The following FLRT1 variants were observed in gnomAD, a reference collection of about 807,000 sequenced individuals.
FLRT1 encodes fibronectin leucine rich transmembrane protein 1.
FLRT1 carries 14 observed loss-of-function variants against 30.9 expected under a neutral mutation model. The observed-to-expected ratio is 0.45, with a 90% CI of 0.30 to 0.71. The LOEUF is 0.71. Among genes scored for constraint, FLRT1 ranks in the 30% least tolerant of loss-of-function variants. FLRT1 has a pLI of 0.08. For synonymous variants in FLRT1, 368 were observed against 430.4 expected (o/e 0.85, Z 1.80); for missense variants, 737 against 949.2 (o/e 0.78, Z 2.94).
intron 1 of FLRT1, among the ~76,000 whole-genome samples, chr11:64,062,150 C>T (rs1490663247): frequency 6.6e-6 from 1 of 152,078 alleles, no homozygotes; most frequent in Non-Finnish European, 1.5e-5. Flanking sequence ...TGGATTTCCC[C>T]AGACAGGGAT....
chr11:64,072,465 G>A (rs1356631957), intron 1 of FLRT1, among the ~76,000 whole-genome samples: 3 of 152,090 alleles, frequency 2.0e-5, no homozygotes, highest in Admixed American at 2.0e-4. Flanking sequence ...GGATAAATAT[G>A]AAACGTACAT....
intron 1 of FLRT1, among the ~76,000 whole-genome samples, chr11:64,101,157 G>A (rs761237778): frequency 6.6e-6 from 1 of 152,058 alleles, no homozygotes; most frequent in Non-Finnish European, 1.5e-5. Context: ...GAGGGATGAC[G>A]TCTGCATGGA....
In FLRT1 at chr11:64,118,139, C is replaced by A; in HGVS notation, c.1872C>A (p.Ile624=). The change falls in exon 3 of 3, where the codon ATC becomes ATA. Residue 624 remains isoleucine, a synonymous_variant. Transcript: ENST00000682287. ...IRGPGLQMLP[I]NPYRAKEEYV... ...GCCCTGGGCTGCAGATGCTGCCCATCAACCCGTACCGCGCCAAAGAAGAGT... is the reference window on the plus strand; with the variant it reads ...GCCCTGGGCTGCAGATGCTGCCCATAAACCCGTACCGCGCCAAAGAAGAGT... 1 of 1,613,718 alleles carries A rather than the reference C, an allele frequency of 6.2e-7. No homozygotes were observed. The highest frequency in any genetic ancestry group is 8.5e-7 in the Non-Finnish European group (1 of 1,179,858).
intron 1 of FLRT1, among the ~76,000 whole-genome samples, chr11:64,087,484 C>A (rs1435695537): frequency 6.6e-6 from 1 of 152,230 alleles, no homozygotes. Flanking sequence ...GTCCAGTTGG[C>A]CACACCTCTC....
At chr11:64,066,801 G>A (rs1033087262) in intron 1 of FLRT1, among the ~76,000 whole-genome samples, 2 of 152,246 alleles carry the variant, frequency 1.3e-5, no homozygotes, top group Admixed American at 6.5e-5. Flanking sequence ...ACTATCCTAC[G>A]AGAACTCCAT....
intron 1 of FLRT1, among the ~76,000 whole-genome samples, chr11:64,088,581 A>G (rs1273070056): frequency 1.3e-5 from 2 of 150,834 alleles, no homozygotes; most frequent in South Asian, 2.1e-4. Flanking sequence ...CCTGGCCTGG[A>G]GCAGGTCTCT....
intron 1 of FLRT1, among the ~76,000 whole-genome samples, chr11:64,085,565 C>T (rs1043409253): frequency 1.1e-4 from 17 of 152,312 alleles, no homozygotes; most frequent in African/African-American, 2.9e-4. Context: ...CGTCCCCTGC[C>T]GCCCGCCCGG....
chr11:64,062,798 C>T (rs1284527190), intron 1 of FLRT1, among the ~76,000 whole-genome samples: 1 of 152,146 alleles, frequency 6.6e-6, no homozygotes, highest in East Asian at 1.9e-4. Context: ...CTGGCTTTAT[C>T]AGGTGCCTGC....
intron 1 of FLRT1, among the ~76,000 whole-genome samples, chr11:64,100,972 G>T (rs1944660675): frequency 6.6e-6 from 1 of 152,152 alleles, no homozygotes; most frequent in Non-Finnish European, 1.5e-5. Context: ...TGGAGAGTTT[G>T]GTGGGTGCAT....
At chr11:64,097,422 C>T (rs1944596691) in intron 1 of FLRT1, among the ~76,000 whole-genome samples, 1 of 152,232 alleles carries the variant, frequency 6.6e-6, no homozygotes, top group Non-Finnish European at 1.5e-5. Context: ...GAAGCTCCGT[C>T]CTGGGCGAGT....
chr11:64,108,695 C>T (rs116841289), intron 2 of FLRT1, among the ~76,000 whole-genome samples: 2 of 152,332 alleles, frequency 1.3e-5, no homozygotes, highest in African/African-American at 2.4e-5. Flanking sequence ...TGCTTCTGCC[C>T]GCAGTCTGCC....
chr11:64,118,658 G>A lies in FLRT1; in HGVS notation c.*366G>A, dbSNP rs577833595. The A allele has an allele frequency of 1.2e-3, 237 of 195,662 alleles. No individual in the cohort carries two copies. The highest frequency in any genetic ancestry group is 5.3e-3 in the African/African-American group (225 of 42,478). The allele number at this position is 195,662 out of a possible 1,614,324, so 12.1% of individuals were successfully genotyped here. A position where few individuals can be genotyped will look rare whatever the true frequency, so the allele number is the denominator to read the frequency against. On this transcript the variant is annotated 3_prime_UTR_variant, in exon 3 of 3. Coordinates refer to ENST00000682287, the MANE Select transcript of FLRT1 (RefSeq NM_013280.5). ...TGTACAACATCTGTGGACACCTCAT[G>A]CTCTGTTCAAGGCCATCACAAAGGA... is the stretch of plus-strand genomic sequence containing the variant.
chr11:64,093,537 G>T (rs1944526831), intron 1 of FLRT1, among the ~76,000 whole-genome samples: 1 of 152,224 alleles, frequency 6.6e-6, no homozygotes, highest in Non-Finnish European at 1.5e-5. Flanking sequence ...TCTCTGCCTG[G>T]TACAGATTTC....
chr11:64,040,428 C>G (rs1001689587), intron 1 of FLRT1, among the ~76,000 whole-genome samples: 1 of 152,182 alleles, frequency 6.6e-6, no homozygotes, highest in African/African-American at 2.4e-5. Flanking sequence ...GGCACCCGGC[C>G]AGGGCTGGGG....
intron 1 of FLRT1, among the ~76,000 whole-genome samples, chr11:64,044,405 A>C (rs1213159884): frequency 6.6e-6 from 1 of 151,902 alleles, no homozygotes; most frequent in Admixed American, 6.6e-5. Context: ...GCACGCACCA[A>C]CACACTGGCT....
chr11:64,065,789 CAAAAAAAAAA>C lies in FLRT1; in HGVS notation c.-1038+29642_-1038+29651del, dbSNP rs58096977. Among the ~76,000 whole-genome samples the C allele has an allele frequency of 1.9e-3, 131 of 67,568 alleles. 1 individual carries two copies. Among genetic ancestry groups the C allele is most frequent in the Non-Finnish European group, 3.9e-3 (114 of 29,156 alleles). 44.3% of individuals were successfully genotyped at this position (67,568 alleles called of 152,430 possible). ...TGGGCGACAGAGCACGACTCCGCCT[CAAAAAAAAAA>C]AAAAAAAAAAAGATGAACAAGGAGA... On this transcript the variant is annotated intron_variant, in intron 1 of 2. Coordinates refer to ENST00000682287, the MANE Select transcript of FLRT1 (RefSeq NM_013280.5).
chr11:64,054,526 C>T (rs1943749216), intron 1 of FLRT1, among the ~76,000 whole-genome samples: 1 of 152,094 alleles, frequency 6.6e-6, no homozygotes, highest in Non-Finnish European at 1.5e-5. Context: ...TCTCTCTGCT[C>T]AGAGGTGCCT....
intron 2 of FLRT1, among the ~76,000 whole-genome samples, chr11:64,107,048 T>C (rs1944775158): frequency 6.6e-6 from 1 of 152,044 alleles, no homozygotes; most frequent in African/African-American, 2.4e-5. Context: ...CATGCCCAGC[T>C]AATTTTTGTA....
intron 2 of FLRT1, among the ~76,000 whole-genome samples, chr11:64,108,683 ACTGCTTCTGCCCGCAGT>A (rs1944807204): frequency 6.6e-6 from 1 of 152,150 alleles, no homozygotes; most frequent in South Asian, 2.1e-4. Context: ...GGGCTGAGAA[ACTGCTTCTGCCCGCAGT>A]CTGCCTGCAC....
Sources: allele counts gnomAD v4.1 joint callset (sites outside exome capture counted in the v4.1 genomes callset), GRCh38; gene constraint gnomAD v4.1.1; transcripts MANE v1.5; gene names NCBI Gene and HGNC (gene_info 2026-07-23, HGNC 2026-07-21).